Variants in ENAM observed in about 807,000 individuals in gnomAD.
The protein encoded by ENAM is amelogenesis imperfecta 2, hypocalcification (autosomal dominant).
Under a neutral mutation model 33.6 loss-of-function variants are expected in ENAM, and 21 were observed. The ratio of observed to expected loss-of-function variants is 0.63; its 90% CI spans 0.44 to 0.90. The LOEUF (loss-of-function observed/expected upper bound fraction) is 0.90. Ranked by LOEUF, ENAM falls within the 40% of genes least tolerant of loss-of-function variation. ENAM has a pLI of 0.00. For missense variants in ENAM, 1,388 were observed against 1,366.9 expected, an observed-to-expected ratio of 1.02 and a Z score of -0.24; for synonymous variants, 473 against 468.4, an observed-to-expected ratio of 1.01 and a Z score of -0.13.
At chr4:70,630,050 G>T (rs1331639770) in intron 2 of ENAM, among the ~76,000 whole-genome samples, 1 of 152,042 alleles carries the variant, frequency 6.6e-6, no homozygotes, top group Non-Finnish European at 1.5e-5. Flanking sequence ...ACATATTGTT[G>T]TAACCTATAC....
rs749395719 is a variant in ENAM, at chr4:70,634,567, A to G, written c.470A>G (p.Gln157Arg). The change falls in exon 6 of 9, where the codon CAG becomes CGG. Residue 157 changes from glutamine to arginine, a missense_variant and splice_region_variant. By Grantham distance (43) the Gln-to-Arg change is conservative. Coordinates refer to ENST00000396073, the MANE Select transcript of ENAM (RefSeq NM_031889.3). ...PQPEEEAQPP[Q>R]AFPPFGNGLF... ...CCCGAAGAGGAAGCTCAACCCCCTC[A>G]GGTGAGACTTGCACAGAAAAATTCC... The G allele has an allele frequency of 6.2e-7, 1 of 1,614,072 alleles. No individual in the cohort carries two copies. Among genetic ancestry groups the G allele is most frequent in the South Asian group, 1.1e-5 (1 of 91,084 alleles).
rs1738702117 is a variant in ENAM, at chr4:70,644,457, A to G, written c.3031A>G (p.Thr1011Ala). 2 of 1,614,000 alleles carry G rather than the reference A, an allele frequency of 1.2e-6. No homozygotes were observed. The highest frequency in any genetic ancestry group is 1.7e-6 in the Non-Finnish European group (2 of 1,180,022). The change falls in exon 9 of 9, where the codon ACT becomes GCT. Residue 1011 changes from threonine (T) to alanine (A), a missense_variant. Thr to Ala is a moderately conservative substitution (Grantham distance 58). Coordinates refer to ENST00000396073, the MANE Select transcript of ENAM (RefSeq NM_031889.3). The stretch of plus-strand genomic sequence containing the variant: ...TGAAGACAACCAGCTCAATGAAAGA[A>G]CTGTTGACCTTACTCCTGAGCAGCT... ...VFEDNQLNERTVDLTPEQLVI... is the reference protein window; with the variant it reads ...VFEDNQLNERAVDLTPEQLVI...
intron 2 of ENAM, 128 bp downstream of exon 2, chr4:70,629,682 G>C: frequency 1.3e-6 from 1 of 795,834 alleles, no homozygotes; most frequent in Non-Finnish European, 2.3e-6. Context: ...TGCTTTCACA[G>C]ATGGAATGGA....
chr4:70,645,173 A>G lies in ENAM; in HGVS notation c.*318A>G, dbSNP rs1738726767. 2.0e-6 allele frequency: 1 copy of G among 504,120 alleles called. No individual in the cohort carries two copies. Among genetic ancestry groups the G allele is most frequent in the Non-Finnish European group, 3.6e-6 (1 of 281,384 alleles). The allele number at this position is 504,120 out of a possible 1,614,324, so 31.2% of individuals were successfully genotyped here. On this transcript the variant is annotated 3_prime_UTR_variant, in exon 9 of 9. Coordinates refer to ENST00000396073, the MANE Select transcript of ENAM (RefSeq NM_031889.3). Reference sequence around the variant, plus strand: ...TGCTTGATGACTTCTTTTGCTCTCAAAGTTCCATACTTGCAAAATTGGTTT... The same window carrying G: ...TGCTTGATGACTTCTTTTGCTCTCAGAGTTCCATACTTGCAAAATTGGTTT...
intron 8 of ENAM, among the ~76,000 whole-genome samples, chr4:70,640,801 CA>C (rs1738577046): frequency 1.3e-5 from 2 of 152,250 alleles, no homozygotes; most frequent in South Asian, 4.1e-4. Flanking sequence ...CACTGTTTAG[CA>C]GCATGTTGTA....
chr4:70,644,116 G>A lies in ENAM; in HGVS notation c.2690G>A (p.Gly897Asp). 1.2e-6 allele frequency: 2 copies of A among 1,614,074 alleles called. No homozygotes were observed. Among genetic ancestry groups the A allele is most frequent in the Non-Finnish European group, 1.7e-6 (2 of 1,180,010 alleles). The part of the protein sequence containing the change: ...LALQDYTPSY[G>D]LAPGENQDTS... ...CTACAAGACTACACTCCATCCTATG[G>A]TCTTGCACCTGGGGAGAACCAAGAC... The change falls in exon 9 of 9, where the codon GGT (glycine) becomes GAT (aspartate). Residue 897 changes from glycine (G) to aspartate (D), a missense_variant. By Grantham distance (94) the Gly-to-Asp change is moderately conservative. Coordinates refer to ENST00000396073, the MANE Select transcript of ENAM (RefSeq NM_031889.3).
At position 70,644,377 on chromosome 4, in the gene ENAM, C is replaced by T. The variant is rs1738699487; in HGVS notation, c.2951C>T (p.Pro984Leu). ...EASSLQSKNT[P>L]CLKNDLGGDG... ...AGTTCCCTTCAATCAAAGAATACAC[C>T]TTGTCTCAAAAATGATCTTGGAGGA... is the stretch of plus-strand genomic sequence containing the variant. Residue 984 changes from proline to leucine, a missense_variant, in exon 9 of 9, where the codon CCT becomes CTT. By Grantham distance (98) the Pro-to-Leu change is moderately conservative. Transcript: ENST00000396073. 1 of 1,614,112 alleles carries T rather than the reference C, an allele frequency of 6.2e-7. No homozygotes were observed. Among genetic ancestry groups the T allele is most frequent in the African/African-American group, 1.3e-5 (1 of 75,026 alleles).
At position 70,643,765 on chromosome 4, in the gene ENAM, C is replaced by T. The variant is rs770713417; in HGVS notation, c.2339C>T (p.Pro780Leu). ...GCCCAAGGGCAGAGAGAAAGAAGGC[C>T]GTATTTTAACAGAAATATCTGGGAT... ...IQAQGQRERR[P>L]YFNRNIWDQA... The change falls in exon 9 of 9, where the codon CCG becomes CTG. Residue 780 changes from proline (P) to leucine (L), a missense_variant. Pro to Leu is a moderately conservative substitution (Grantham distance 98). Transcript: ENST00000396073. 9.3e-6 allele frequency: 15 copies of T among 1,613,928 alleles called. No individual in the cohort carries two copies. Among genetic ancestry groups the T allele is most frequent in the African/African-American group, 4.0e-5 (3 of 74,886 alleles).
At position 70,632,697 on chromosome 4, in the gene ENAM, G is replaced by A. The variant is rs1178564723; in HGVS notation, c.210+5G>A. On this transcript the variant is annotated splice_donor_5th_base_variant and intron_variant, in intron 5 of 8. Coordinates refer to ENST00000396073, the MANE Select transcript of ENAM (RefSeq NM_031889.3). ...AACTTTATGAACGGCCCACATGTAA[G>A]TTTTTCTTTATGTTATTTCTGATGA... The A allele has an allele frequency of 6.3e-7, 1 of 1,588,530 alleles. No individual in the cohort carries two copies. Among genetic ancestry groups the A allele is most frequent in the Admixed American group, 1.7e-5 (1 of 59,934 alleles).
chr4:70,645,096 GACCATC>G lies in ENAM; in HGVS notation c.*242_*247del, dbSNP rs1738723969. On this transcript the variant is annotated 3_prime_UTR_variant, in exon 9 of 9. Coordinates refer to ENST00000396073, the MANE Select transcript of ENAM (RefSeq NM_031889.3). ...GACCTTAAAAAAGCAAGAAGGCCAT[GACCATC>G]CCTGCCTCGAAACTTGCAAGTCACT... 5.5e-6 allele frequency: 3 copies of G among 542,978 alleles called. No individual in the cohort carries two copies. Among genetic ancestry groups the G allele is most frequent in the Non-Finnish European group, 9.8e-6 (3 of 305,484 alleles). 33.6% of individuals were successfully genotyped at this position (542,978 alleles called of 1,614,324 possible).
At chr4:70,639,910 C>T (rs1738555969) in intron 8 of ENAM, among the ~76,000 whole-genome samples, 1 of 152,160 alleles carries the variant, frequency 6.6e-6, no homozygotes, top group African/African-American at 2.4e-5. Context: ...TGTCTGTATT[C>T]TACCTCTTGA....
In ENAM at chr4:70,628,776, T is replaced by C. The variant is rs1738238120; in HGVS notation, c.-249T>C. 1 of 152,152 alleles carries C rather than the reference T, an allele frequency of 6.6e-6. No individual in the cohort carries two copies. The highest frequency in any genetic ancestry group is 2.1e-4 in the South Asian group (1 of 4,830). The allele number at this position is 152,152 out of a possible 1,614,324, so 9.4% of individuals were successfully genotyped here. A position where few individuals can be genotyped will look rare whatever the true frequency, so the allele number is the denominator to read the frequency against. The stretch of plus-strand genomic sequence containing the variant: ...TTTTGAGCCTTTTTGATACTGAACA[T>C]GATATCTGAGTGAAGAATTTTTGTT... On this transcript the variant is annotated 5_prime_UTR_variant, in exon 1 of 9. An upstream start codon of the reference 5' UTR is lost. Coordinates refer to ENST00000396073, the MANE Select transcript of ENAM (RefSeq NM_031889.3).
chr4:70,637,688 A>G, intron 7 of ENAM, 102 bp from the exon 8 acceptor site: 1 of 868,536 alleles, frequency 1.2e-6, no homozygotes, highest in Non-Finnish European at 2.0e-6. Context: ...AACTGAGCTC[A>G]ATCATTGACT....
intron 8 of ENAM, among the ~76,000 whole-genome samples, chr4:70,641,214 T>C (rs1738589217): frequency 6.6e-6 from 1 of 152,132 alleles, no homozygotes; most frequent in African/African-American, 2.4e-5. Context: ...CAGTTGGAGG[T>C]ACTCATGAAA....
In ENAM at chr4:70,642,427, G is replaced by T. The variant is rs1290481876; in HGVS notation, c.1001G>T (p.Trp334Leu). Residue 334 changes from tryptophan to leucine, a missense_variant, in exon 9 of 9, where the codon TGG (tryptophan) becomes TTG (leucine). Coordinates refer to ENST00000396073, the MANE Select transcript of ENAM (RefSeq NM_031889.3). ...NIRNFPSGRQ[W>L]YFTGTVMGHR... ...AGAAATTTTCCTTCAGGAAGACAGT[G>T]GTATTTCACTGGTACTGTCATGGGG... 6.2e-7 allele frequency: 1 copy of T among 1,613,976 alleles called. No homozygotes were observed. The highest frequency in any genetic ancestry group is 1.3e-5 in the African/African-American group (1 of 74,982).
intron 8 of ENAM, among the ~76,000 whole-genome samples, chr4:70,639,207 C>A (rs563855020): frequency 6.6e-6 from 1 of 152,272 alleles, no homozygotes; most frequent in Non-Finnish European, 1.5e-5. Flanking sequence ...TAATTGTATG[C>A]AACCTAGAAA....
At position 70,642,424 on chromosome 4, in the gene ENAM, A is replaced by G; in HGVS notation, c.998A>G (p.Gln333Arg). The G allele has an allele frequency of 6.2e-7, 1 of 1,614,198 alleles. No individual in the cohort carries two copies. The highest frequency in any genetic ancestry group is 8.5e-7 in the Non-Finnish European group (1 of 1,180,028). ...ATAAGAAATTTTCCTTCAGGAAGAC[A>G]GTGGTATTTCACTGGTACTGTCATG... Reference protein sequence around the residue: ...PNIRNFPSGRQWYFTGTVMGH... With the variant: ...PNIRNFPSGRRWYFTGTVMGH... The change falls in exon 9 of 9, where the codon CAG (glutamine) becomes CGG (arginine). Residue 333 changes from glutamine (Q) to arginine (R), a missense_variant. Transcript: ENST00000396073.
At position 70,643,050 on chromosome 4, in the gene ENAM, T is replaced by A. The variant is rs200201281; in HGVS notation, c.1624T>A (p.Ser542Thr). ...TAATCAGTCAGAATTAAAGCACAGCTCATATCAGCCTGCTGTATACCCTGA... is the reference window on the plus strand; with the variant it reads ...TAATCAGTCAGAATTAAAGCACAGCACATATCAGCCTGCTGTATACCCTGA... The part of the protein sequence containing the change: ...ETNQSELKHS[S>T]YQPAVYPEEI... Residue 542 changes from serine to threonine, a missense_variant, in exon 9 of 9, where the codon TCA becomes ACA. Physicochemically the swap from Ser to Thr is moderately conservative, Grantham distance 58. Transcript: ENST00000396073. 1.4e-5 allele frequency: 22 copies of A among 1,613,956 alleles called. No individual in the cohort carries two copies. The highest frequency in any genetic ancestry group is 1.6e-4 in the Middle Eastern group (1 of 6,062).
chr4:70,631,884 A>G lies in ENAM; in HGVS notation c.159A>G (p.Lys53=), dbSNP rs760741049. 1 of 1,613,936 alleles carries G rather than the reference A, an allele frequency of 6.2e-7. No homozygotes were observed. Among genetic ancestry groups the G allele is most frequent in the South Asian group, 1.1e-5 (1 of 91,086 alleles). The change falls in exon 4 of 9, where the codon AAA becomes AAG. Residue 53 remains lysine, a synonymous_variant. Coordinates refer to ENST00000396073, the MANE Select transcript of ENAM (RefSeq NM_031889.3). ...HMPRMPGFSS[K]SEEMMRYNQF... is the part of the protein sequence containing the mutation. ...CCCGAATGCCTGGATTTAGCAGTAA[A>G]AGTGAGGAGGTATGTACGTTCAGTC...
Sources: gnomAD v4.1 joint callset for allele counts (sites outside exome capture counted in the v4.1 genomes callset) on GRCh38, gnomAD v4.1.1 for gene constraint, MANE v1.5 for transcripts, NCBI Gene and HGNC (gene_info 2026-07-23, HGNC 2026-07-21) for gene names.